The following DRC11 variants were observed in gnomAD, a reference collection of about 807,000 sequenced individuals.
DRC11 encodes IQ and AAA domain-containing protein 1.
At chr2:236,363,423 T>C in the DRC11 span, among the ~76,000 whole-genome samples, 1 of 152,196 alleles carries the variant, frequency 6.6e-6, no homozygotes, top group Non-Finnish European at 1.5e-5. This position sits in a 1 kb window ranked among gnomAD's most constrained non-coding sequence, Gnocchi z 5.6. Flanking sequence ...CCATGTCATG[T>C]GAGGAAGAAT....
the DRC11 span, among the ~76,000 whole-genome samples, chr2:236,330,584 G>A: frequency 6.6e-6 from 1 of 152,190 alleles, no homozygotes; most frequent in African/African-American, 2.4e-5. The surrounding 1 kb of genome is among the most constrained non-coding windows in gnomAD (Gnocchi z 5.5). Context: ...TTTTCCTGAT[G>A]TTAAGCAGGC....
At chr2:236,346,247 C>T in the DRC11 span, among the ~76,000 whole-genome samples, 1 of 152,228 alleles carries the variant, frequency 6.6e-6, no homozygotes, top group Non-Finnish European at 1.5e-5. Context: ...CATCAGCCAC[C>T]TATGTTGTGC....
the DRC11 span, among the ~76,000 whole-genome samples, chr2:236,413,464 T>C: frequency 6.6e-6 from 1 of 152,226 alleles, no homozygotes; most frequent in African/African-American, 2.4e-5. The surrounding 1 kb of genome is among the most constrained non-coding windows in gnomAD (Gnocchi z 4.0). Context: ...TGGAAATGCA[T>C]GACATTCACT....
the DRC11 span, among the ~76,000 whole-genome samples, chr2:236,442,135 T>G: frequency 6.6e-6 from 1 of 152,126 alleles, no homozygotes; most frequent in South Asian, 2.1e-4. Flanking sequence ...TAGAAATGTA[T>G]AAAATATATA....
the DRC11 span, among the ~76,000 whole-genome samples, chr2:236,374,794 G>A: frequency 9.9e-5 from 15 of 151,728 alleles, no homozygotes; most frequent in East Asian, 3.9e-4. Context: ...GGGTTCAAGC[G>A]ATTCTCCTGC....
At chr2:236,318,111 C>G in the DRC11 span, among the ~76,000 whole-genome samples, 1 of 152,204 alleles carries the variant, frequency 6.6e-6, no homozygotes, top group Non-Finnish European at 1.5e-5. The surrounding 1 kb of genome is among the most constrained non-coding windows in gnomAD (Gnocchi z 7.0). Context: ...TTGGGTGCAG[C>G]AGTCCCGCCC....
At chr2:236,450,776 T>C in the DRC11 span, among the ~76,000 whole-genome samples, 1 of 152,220 alleles carries the variant, frequency 6.6e-6, no homozygotes. Flanking sequence ...CTTTGTCTGA[T>C]GTATGTTTAT....
the DRC11 span, among the ~76,000 whole-genome samples, chr2:236,487,821 T>G: frequency 6.6e-6 from 1 of 152,260 alleles, no homozygotes; most frequent in East Asian, 1.9e-4. Context: ...TTTGAAAATA[T>G]GACCAAGCTT....
the DRC11 span, chr2:236,399,339 A>G: frequency 1.7e-3 from 2,056 of 1,194,540 alleles, 23 homozygotes; most frequent in African/African-American, 0.028. This position sits in a 1 kb window ranked among gnomAD's most constrained non-coding sequence, Gnocchi z 7.0. Context: ...TGAGTGGCAT[A>G]CAGCAGCCTC....
At chr2:236,467,617 C>A in the DRC11 span, among the ~76,000 whole-genome samples, 8 of 152,132 alleles carry the variant, frequency 5.3e-5, no homozygotes, top group Admixed American at 4.6e-4. Context: ...CAGCCTGCAC[C>A]AATAGCTAAG....
the DRC11 span, chr2:236,363,883 C>G: frequency 5.6e-6 from 9 of 1,613,978 alleles, no homozygotes; most frequent in Non-Finnish European, 6.8e-6. The surrounding 1 kb of genome is among the most constrained non-coding windows in gnomAD (Gnocchi z 5.6). Flanking sequence ...CGTTTCGGTG[C>G]AGATGGCATG....
At chr2:236,493,382 T>A in the DRC11 span, among the ~76,000 whole-genome samples, 6 of 152,220 alleles carry the variant, frequency 3.9e-5, no homozygotes, top group Non-Finnish European at 8.8e-5. Context: ...TCAGCATTTT[T>A]AGAAAGTGTA....
chr2:236,375,158 T>G, the DRC11 span, among the ~76,000 whole-genome samples: 1 of 152,066 alleles, frequency 6.6e-6, no homozygotes, highest in African/African-American at 2.4e-5. This position sits in a 1 kb window ranked among gnomAD's most constrained non-coding sequence, Gnocchi z 4.2. Flanking sequence ...TAATTCTACA[T>G]GAGGTTTGGT....
the DRC11 span, chr2:236,493,805 T>A: frequency 6.2e-7 from 1 of 1,607,834 alleles, no homozygotes; most frequent in Non-Finnish European, 8.5e-7. Context: ...CGCTAATATT[T>A]GAGCAAGAAT....
At chr2:236,327,250 A>G in the DRC11 span, among the ~76,000 whole-genome samples, 1 of 151,968 alleles carries the variant, frequency 6.6e-6, no homozygotes, top group Non-Finnish European at 1.5e-5. Flanking sequence ...ATCTTTCACA[A>G]ACTGTTCTTT....
chr2:236,336,723 A>T, the DRC11 span, among the ~76,000 whole-genome samples: 3 of 151,750 alleles, frequency 2.0e-5, no homozygotes, highest in Non-Finnish European at 4.4e-5. The surrounding 1 kb of genome is among the most constrained non-coding windows in gnomAD (Gnocchi z 7.3). Flanking sequence ...CCCCTCCACC[A>T]TCTGTAACAC....
chr2:236,493,192 T>C, the DRC11 span, among the ~76,000 whole-genome samples: 2 of 152,246 alleles, frequency 1.3e-5, no homozygotes, highest in South Asian at 4.2e-4. Context: ...CATCAGATCT[T>C]GTGAGATTTA....
the DRC11 span, among the ~76,000 whole-genome samples, chr2:236,431,195 T>A: frequency 6.6e-6 from 1 of 152,204 alleles, no homozygotes; most frequent in African/African-American, 2.4e-5. This position sits in a 1 kb window ranked among gnomAD's most constrained non-coding sequence, Gnocchi z 4.2. Flanking sequence ...CTAATCCCTT[T>A]TCTCTCTCCT....
At chr2:236,438,739 C>A in the DRC11 span, among the ~76,000 whole-genome samples, 2 of 152,052 alleles carry the variant, frequency 1.3e-5, no homozygotes, top group Non-Finnish European at 2.9e-5. Context: ...CTACAGAACT[C>A]TCCACCCCAA....
Sources: gnomAD v4.1 joint callset for allele counts (sites outside exome capture counted in the v4.1 genomes callset) on GRCh38, gnomAD v4.1.1 for gene constraint, Gnocchi (gnomAD v3.1) non-coding constraint, MANE v1.5 for transcripts, NCBI Gene and HGNC (gene_info 2026-07-23, HGNC 2026-07-21) for gene names.